Variants in APBA3 observed in about 807,000 individuals in gnomAD.
APBA3 encodes the protein amyloid-beta A4 precursor protein-binding family A member 3.
Under a neutral mutation model 55.9 loss-of-function variants are expected in APBA3, and 45 were observed. That is an observed-to-expected ratio of 0.80 (90% CI 0.63 to 1.03). The LOEUF (loss-of-function observed/expected upper bound fraction) is 1.03, where lower values mean the gene tolerates loss of function less well. APBA3 is among the 50% of genes least tolerant of loss of function. The pLI, the probability that APBA3 is intolerant of heterozygous loss-of-function variation, is 0.00. For missense variants in APBA3, 865 were observed against 820.3 expected, an observed-to-expected ratio of 1.05 and a Z score of -0.67; for synonymous variants, 370 against 353.3, an observed-to-expected ratio of 1.05 and a Z score of -0.53.
chr19:3,751,382 T>C (rs934653402), intron 9 of APBA3, 52 bp downstream of exon 9: 142 of 1,513,528 alleles, frequency 9.4e-5, no homozygotes, highest in Non-Finnish European at 1.2e-4. Flanking sequence ...TCAGGGGCCG[T>C]GCTCAGGGCC....
chr19:3,754,404 C>A, intron 3 of APBA3, 64 bp from the exon 4 acceptor site: 2 of 1,510,222 alleles, frequency 1.3e-6, no homozygotes, highest in Admixed American at 2.7e-5. Flanking sequence ...TGCCCCAGGG[C>A]TACGCTCTCC....
intron 8 of APBA3, 33 bp downstream of exon 8, chr19:3,752,475 A>G: frequency 6.6e-7 from 1 of 1,523,072 alleles, no homozygotes; most frequent in Non-Finnish European, 8.8e-7. Context: ...CCTTCCTGGG[A>G]GTGTGGGGGC....
chr19:3,751,879 G>A (rs1212904084), intron 8 of APBA3: 2 of 331,738 alleles, frequency 6.0e-6, no homozygotes, highest in Non-Finnish European at 1.1e-5. Context: ...CCCTATCTCT[G>A]GGCCTCAGTT....
At position 3,754,250 on chromosome 19, in the gene APBA3, T is replaced by C. The variant is rs1490424345; in HGVS notation, c.707A>G (p.Asn236Ser). Reference sequence around the variant, plus strand: ...GGCCATGCGCGTGCTGGTGGGCGGGTTCCGTTCCGACACCAGCTGGGTGGA... The same window carrying C: ...GGCCATGCGCGTGCTGGTGGGCGGGCTCCGTTCCGACACCAGCTGGGTGGA... ...LGSTQLVSER[N>S]PPTSTRMAQA... is the part of the protein sequence containing the mutation. Residue 236 changes from asparagine to serine, a missense_variant, in exon 4 of 11, where the codon AAC (asparagine) becomes AGC (serine). Transcript: ENST00000316757. The C allele has an allele frequency of 2.6e-6, 4 of 1,547,142 alleles. No homozygotes were observed. In the African/African-American group the frequency reaches 5.5e-5, roughly 21 times the overall value.
intron 3 of APBA3, chr19:3,756,534 AAT>A (rs1376810571): frequency 6.6e-6 from 1 of 152,206 alleles, no homozygotes; most frequent in African/African-American, 2.4e-5. Context: ...TAATATTTTA[AAT>A]ATGTTAGCTT....
At chr19:3,760,746 CA>C (rs34046514) in intron 1 of APBA3, among the ~76,000 whole-genome samples, 63 of 116,764 alleles carry the variant, frequency 5.4e-4, no homozygotes, top group East Asian at 9.8e-4. Flanking sequence ...AGACTATCTC[CA>C]AAAAAAAAAA....
intron 1 of APBA3, among the ~76,000 whole-genome samples, chr19:3,760,569 G>A (rs1451897222): frequency 2.7e-5 from 4 of 148,514 alleles, no homozygotes; most frequent in Non-Finnish European, 6.0e-5. Context: ...CTAACATGGT[G>A]AAATTCCGTC....
intron 8 of APBA3, 74 bp downstream of exon 8, chr19:3,752,434 C>T (rs1003474812): frequency 1.4e-6 from 2 of 1,383,908 alleles, no homozygotes; most frequent in Admixed American, 2.2e-5. Context: ...GAGACCTGGC[C>T]AGGGAGGAGA....
rs372589212 is a variant in APBA3 at position 3,754,117 on chromosome 19, G to A, written c.763-12C>T. 4.1e-5 allele frequency: 65 copies of A among 1,588,308 alleles called. No individual in the cohort carries two copies. Among genetic ancestry groups the A allele is most frequent in the African/African-American group, 3.8e-4 (28 of 74,338 alleles). On this transcript the variant is annotated splice_polypyrimidine_tract_variant and intron_variant, in intron 4 of 10. Coordinates refer to ENST00000316757, the MANE Select transcript of APBA3 (RefSeq NM_004886.4). The stretch of plus-strand genomic sequence containing the variant: ...TCCCCATCGGGGGCCTGTGGGTGGC[G>A]GCGTGGGAGGTGGAGGCCCCCACAG...
At chr19:3,751,405 C>T (rs200440373) in intron 9 of APBA3, 29 bp downstream of exon 9, 59 of 1,515,170 alleles carry the variant, frequency 3.9e-5, no homozygotes, top group Middle Eastern at 2.3e-4. Context: ...CCTACCCCCC[C>T]ACCCCGGGGC....
Position 3,752,998 on chromosome 19 carries a change from G to A in APBA3, c.1012-8C>T, listed in dbSNP as rs1311547431. 1 of 1,609,518 alleles carries A rather than the reference G, an allele frequency of 6.2e-7. No homozygotes were observed. Among genetic ancestry groups the A allele is most frequent in the Admixed American group, 1.7e-5 (1 of 59,980 alleles). On this transcript the variant is annotated splice_polypyrimidine_tract_variant and splice_region_variant and intron_variant, in intron 6 of 10. Coordinates refer to ENST00000316757, the MANE Select transcript of APBA3 (RefSeq NM_004886.4). Reference sequence around the variant, plus strand: ...CTGGGCGATGAGCTGGGCCTGCGGGGAGGAGTGGCGCGTCCCTGGGGTGTC... The same window carrying A: ...CTGGGCGATGAGCTGGGCCTGCGGGAAGGAGTGGCGCGTCCCTGGGGTGTC...
rs201567952 is a variant in APBA3 at position 3,752,863 on chromosome 19, T to C, written c.1139A>G (p.Asn380Ser). The C allele has an allele frequency of 6.2e-6, 10 of 1,613,282 alleles. No individual in the cohort carries two copies. Among genetic ancestry groups the C allele is most frequent in the Admixed American group, 1.7e-5 (1 of 60,018 alleles). Reference sequence around the variant, plus strand: ...GTTGGAGAAGTGGTCCAGGTCCCCATTATGGAGGTGGCAGGCGCCTGGGCT... The same window carrying C: ...GTTGGAGAAGTGGTCCAGGTCCCCACTATGGAGGTGGCAGGCGCCTGGGCT... ...HPSPGACHLH[N>S]GDLDHFSNSD... The change falls in exon 7 of 11, where the codon AAT becomes AGT. Residue 380 changes from asparagine to serine, a missense_variant. Coordinates refer to ENST00000316757, the MANE Select transcript of APBA3 (RefSeq NM_004886.4).
chr19:3,754,581 T>C (rs1009588639), intron 3 of APBA3: 5 of 506,758 alleles, frequency 9.9e-6, no homozygotes, highest in Non-Finnish European at 1.7e-5. Flanking sequence ...GTCCAGGCCA[T>C]GGCTGGATTC....
At chr19:3,753,705 G>A (rs1211139047) in intron 6 of APBA3, 60 bp downstream of exon 6, 14 of 1,412,916 alleles carry the variant, frequency 9.9e-6, no homozygotes, top group Non-Finnish European at 1.1e-5. Flanking sequence ...CCCACTGAGG[G>A]AGGCGACAGT....
chr19:3,760,892 G>A (rs2037138268), intron 1 of APBA3, among the ~76,000 whole-genome samples: 1 of 152,100 alleles, frequency 6.6e-6, no homozygotes, highest in East Asian at 1.9e-4. Context: ...CAGCCTGGGT[G>A]ACAGAGTGAG....
At position 3,759,794 on chromosome 19, in the gene APBA3, C is replaced by G. The variant is rs2037121875; in HGVS notation, c.471G>C (p.Gly157=). ...EDSDSPEWVE[G]ASAEQEGSRS... ...TGCTGCCCTCCTGCTCAGCAGAGGC[C>G]CCCTCCACCCATTCTGGGGAGTCAG... is the stretch of plus-strand genomic sequence containing the variant. The change falls in exon 2 of 11, where the codon GGG becomes GGC. Residue 157 remains glycine, a synonymous_variant. Coordinates refer to ENST00000316757, the MANE Select transcript of APBA3 (RefSeq NM_004886.4). The G allele has an allele frequency of 6.2e-7, 1 of 1,612,640 alleles. No homozygotes were observed. The highest frequency in any genetic ancestry group is 8.5e-7 in the Non-Finnish European group (1 of 1,179,882).
chr19:3,752,507 C>G lies in APBA3; in HGVS notation c.1395+1G>C. Reference sequence around the variant, plus strand: ...GGGCCCTGCCACACCAGGAAACTCACGCGGACAGCGGCCTGGCACGCAGCC... The same window carrying G: ...GGGCCCTGCCACACCAGGAAACTCAGGCGGACAGCGGCCTGGCACGCAGCC... On this transcript the variant is annotated splice_donor_variant, in intron 8 of 10. Transcript: ENST00000316757. LOFTEE classifies it high-confidence loss of function. The G allele has an allele frequency of 1.3e-6, 2 of 1,568,560 alleles. No homozygotes were observed. Among genetic ancestry groups the G allele is most frequent in the African/African-American group, 1.3e-5 (1 of 74,502 alleles).
At position 3,752,846 on chromosome 19, in the gene APBA3, A is replaced by G. The variant is rs574658229; in HGVS notation, c.1156T>C (p.Phe386Leu). Residue 386 changes from phenylalanine to leucine, a missense_variant, in exon 7 of 11, where the codon TTC (phenylalanine) becomes CTC (leucine). Coordinates refer to ENST00000316757, the MANE Select transcript of APBA3 (RefSeq NM_004886.4). The part of the protein sequence containing the change: ...CHLHNGDLDH[F>L]SNSDNCREVH... ...TCCCGGCAGTTGTCACTGTTGGAGA[A>G]GTGGTCCAGGTCCCCATTATGGAGG... 6.2e-7 allele frequency: 1 copy of G among 1,613,324 alleles called. No individual in the cohort carries two copies. Among genetic ancestry groups the G allele is most frequent in the Non-Finnish European group, 8.5e-7 (1 of 1,179,868 alleles).
intron 3 of APBA3, among the ~76,000 whole-genome samples, chr19:3,758,481 A>G (rs1466366665): frequency 1.3e-5 from 2 of 151,652 alleles, no homozygotes; most frequent in African/African-American, 2.4e-5. Context: ...GCTGGTCTCC[A>G]ACTCCCGGCT....
Sources: gnomAD v4.1 joint callset for allele counts (sites outside exome capture counted in the v4.1 genomes callset) on GRCh38, gnomAD v4.1.1 for gene constraint, MANE v1.5 for transcripts, NCBI Gene and HGNC (gene_info 2026-07-23, HGNC 2026-07-21) for gene names.